The following RGS7 variants were observed in gnomAD, a reference collection of about 807,000 sequenced individuals.
RGS7 encodes the protein regulator of G protein signaling 7.
RGS7 carries 27 observed loss-of-function variants against 81.1 expected under a neutral mutation model. The ratio of observed to expected loss-of-function variants is 0.33; its 90% CI spans 0.25 to 0.46. The LOEUF is 0.46. RGS7 is among the 20% of genes least tolerant of loss of function. The pLI is 1.00. For synonymous variants in RGS7, 208 were observed against 207.7 expected (o/e 1.00, Z -0.01); for missense variants, 396 against 607.4 (o/e 0.65, Z 3.66).
chr1:241,273,731 C>A (rs2078048633), intron 2 of RGS7, among the ~76,000 whole-genome samples: 1 of 152,158 alleles, frequency 6.6e-6, no homozygotes, highest in Non-Finnish European at 1.5e-5. Flanking sequence ...AAAGGGATTT[C>A]TTTCCTCTCT....
chr1:240,793,611 A>ATATATATATATATAT lies in RGS7; in HGVS notation c.*6+7029_*6+7030insATATATATATATATA. Among the ~76,000 whole-genome samples the ATATATATATATATAT allele has an allele frequency of 1.0e-4, 8 of 78,812 alleles. 1 individual carries two copies. Among genetic ancestry groups the ATATATATATATATAT allele is most frequent in the African/African-American group, 4.9e-4 (5 of 10,306 alleles). The allele number at this position is 78,812 out of a possible 152,430, so 51.7% of individuals were successfully genotyped here. A position where few individuals can be genotyped will look rare whatever the true frequency, so the allele number is the denominator to read the frequency against. On this transcript the variant is annotated intron_variant, in intron 18 of 18. Coordinates refer to ENST00000440928, the MANE Select transcript of RGS7 (RefSeq NM_001364886.1). The stretch of plus-strand genomic sequence containing the variant: ...AATATATATATATATATATATATAT[A>ATATATATATATATAT]TTTTTTTTTTTTTTTTGAGACAGAG...
At chr1:241,219,649 GT>G (rs2147977642) in intron 2 of RGS7, among the ~76,000 whole-genome samples, 1 of 152,216 alleles carries the variant, frequency 6.6e-6, no homozygotes, top group Admixed American at 6.5e-5. Context: ...ACTTTACAAT[GT>G]TGCCTAGTGA....
At chr1:241,226,575 T>C (rs1347185079) in intron 2 of RGS7, among the ~76,000 whole-genome samples, 2 of 152,164 alleles carry the variant, frequency 1.3e-5, no homozygotes, top group African/African-American at 4.8e-5. Context: ...CACTCATGGA[T>C]CTTATACAAA....
intron 2 of RGS7, among the ~76,000 whole-genome samples, chr1:241,194,824 G>A (rs1260002397): frequency 6.6e-6 from 1 of 152,180 alleles, no homozygotes; most frequent in Non-Finnish European, 1.5e-5. Context: ...CTAAAGGCTT[G>A]GAGGTTGACA....
At position 241,118,869 on chromosome 1, in the gene RGS7, TAATA is replaced by T. The variant is rs143177691; in HGVS notation, c.79-20111_79-20108del. ...ACACATAGACATAAAGATGAAAATATAATAGATACTGAGGACTCCAAAAGGAGGC... is the reference window on the plus strand; with the variant it reads ...ACACATAGACATAAAGATGAAAATATGATACTGAGGACTCCAAAAGGAGGC... On this transcript the variant is annotated intron_variant, in intron 2 of 18. Coordinates refer to ENST00000440928, the MANE Select transcript of RGS7 (RefSeq NM_001364886.1). Among the ~76,000 whole-genome samples the T allele has an allele frequency of 3.1e-3, 467 of 152,226 alleles. 4 individuals carry two copies. Among genetic ancestry groups the T allele is most frequent in the African/African-American group, 0.01 (432 of 41,542 alleles).
At chr1:241,113,189 T>G (rs984609811) in intron 2 of RGS7, among the ~76,000 whole-genome samples, 1 of 152,184 alleles carries the variant, frequency 6.6e-6, no homozygotes, top group East Asian at 1.9e-4. Context: ...AAAATCAGAA[T>G]GTCTAGTTGC....
chr1:241,125,196 G>A (rs998101427), intron 2 of RGS7, among the ~76,000 whole-genome samples: 1 of 152,098 alleles, frequency 6.6e-6, no homozygotes, highest in Non-Finnish European at 1.5e-5. Context: ...TATCCACACA[G>A]GCGGTCATTT....
chr1:241,208,072 A>G (rs1409589755), intron 2 of RGS7, among the ~76,000 whole-genome samples: 1 of 152,028 alleles, frequency 6.6e-6, no homozygotes, highest in Admixed American at 6.6e-5. Context: ...TGCCTGGCTA[A>G]TTTTTGTAGT....
At chr1:241,310,540 G>A (rs1350778420) in intron 2 of RGS7, among the ~76,000 whole-genome samples, 1 of 151,308 alleles carries the variant, frequency 6.6e-6, no homozygotes, top group African/African-American at 2.4e-5. Context: ...AACACAAGAA[G>A]ACAGGACTAT....
intron 2 of RGS7, among the ~76,000 whole-genome samples, chr1:241,275,886 A>T (rs1279149685): frequency 2.0e-5 from 3 of 152,346 alleles, no homozygotes; most frequent in African/African-American, 7.2e-5. Context: ...TTTGTTTAAT[A>T]GAGGTCTGGC....
intron 2 of RGS7, among the ~76,000 whole-genome samples, chr1:241,145,056 G>A (rs536672192): frequency 3.3e-5 from 5 of 150,370 alleles, no homozygotes; most frequent in Admixed American, 6.7e-5. Flanking sequence ...TCGCACTGTC[G>A]CCCAGGCTGG....
In RGS7 at chr1:241,081,334, C is replaced by T. The variant is rs146254528; in HGVS notation, c.175+17332G>A. Among the ~76,000 whole-genome samples the T allele has an allele frequency of 5.9e-5, 9 of 152,270 alleles. No individual in the cohort carries two copies. The East Asian group carries it at 1.4e-3, about 23-fold the overall frequency. ...AAATTCCAGATGCCTATAAAGATAA[C>T]ATTTAAATGCTAGCTAAGATAAAAC... On this transcript the variant is annotated intron_variant, in intron 3 of 18. Coordinates refer to ENST00000440928, the MANE Select transcript of RGS7 (RefSeq NM_001364886.1).
chr1:241,296,933 G>GT (rs113575346), intron 2 of RGS7, among the ~76,000 whole-genome samples: 1,952 of 145,488 alleles, frequency 0.013, 13 homozygotes, highest in East Asian at 0.028. Context: ...AATTAGCTGG[G>GT]TTTTTTTTTT....
intron 2 of RGS7, among the ~76,000 whole-genome samples, chr1:241,173,181 G>C (rs7535928): frequency 0.16 from 24,754 of 152,162 alleles, 2,882 homozygotes; most frequent in African/African-American, 0.32. Flanking sequence ...CCAAGGTGAA[G>C]GTCTAGGATC....
At chr1:240,793,326 G>A (rs1686336652) in intron 18 of RGS7, among the ~76,000 whole-genome samples, 1 of 151,982 alleles carries the variant, frequency 6.6e-6, no homozygotes, top group Admixed American at 6.6e-5. Flanking sequence ...CACACCAATC[G>A]ATTTACATCA....
chr1:241,099,671 G>C (rs2064572636), intron 2 of RGS7, among the ~76,000 whole-genome samples: 1 of 152,200 alleles, frequency 6.6e-6, no homozygotes, highest in Non-Finnish European at 1.5e-5. Context: ...CTAAACCTGG[G>C]AGATGCAGAG....
intron 2 of RGS7, among the ~76,000 whole-genome samples, chr1:241,269,723 T>C (rs185214982): frequency 1.1e-4 from 16 of 152,352 alleles, no homozygotes; most frequent in Admixed American, 2.0e-4. Flanking sequence ...CTTTGAACCA[T>C]AAATACATTT....
intron 2 of RGS7, among the ~76,000 whole-genome samples, chr1:241,221,235 A>G (rs1371783004): frequency 6.6e-6 from 1 of 152,228 alleles, no homozygotes; most frequent in Non-Finnish European, 1.5e-5. Context: ...AAGCTAAAAA[A>G]TTAGACAAAG....
chr1:240,853,578 C>A (rs530761554), intron 9 of RGS7, among the ~76,000 whole-genome samples: 86 of 152,132 alleles, frequency 5.7e-4, no homozygotes, highest in Non-Finnish European at 7.4e-5. Flanking sequence ...TGATAAAAGG[C>A]AGCAGTCATT....
Sources: gnomAD v4.1 joint callset for allele counts (sites outside exome capture counted in the v4.1 genomes callset) on GRCh38, gnomAD v4.1.1 for gene constraint, MANE v1.5 for transcripts, NCBI Gene and HGNC (gene_info 2026-07-23, HGNC 2026-07-21) for gene names.